SIDT2: variants seen among roughly 807,000 people sequenced by gnomAD.
The protein encoded by SIDT2 is SID1 transmembrane family, member 2.
In SIDT2, 68 loss-of-function variants were observed where a neutral mutation model predicts 114.4. The observed-to-expected ratio is 0.59, with a 90% CI of 0.49 to 0.73. The LOEUF (loss-of-function observed/expected upper bound fraction) is 0.73, where lower values mean the gene tolerates loss of function less well. Among genes scored for constraint, SIDT2 ranks in the 30% least tolerant of loss-of-function variants. The pLI is 0.00. For missense variants in SIDT2, 918 were observed against 1,097.1 expected (o/e 0.84, Z 2.31); for synonymous variants, 470 against 438.4 (o/e 1.07, Z -0.90).
In SIDT2 at chr11:117,190,052, G is replaced by A. The variant is rs750539055; in HGVS notation, c.1493+27G>A. The A allele has an allele frequency of 9.3e-6, 15 of 1,613,978 alleles. No homozygotes were observed. The Admixed American group carries it at 2.5e-4, about 27-fold the overall frequency. On this transcript the variant is annotated intron_variant, in intron 16 of 25. Transcript: ENST00000324225. This position sits in a 1 kb window ranked among gnomAD's most constrained non-coding sequence, Gnocchi z 4.1. The stretch of plus-strand genomic sequence containing the variant: ...TGGGGGTCATGCTGGGAGGCCCCTT[G>A]TCCAGGCCAAGGGTGAAATGGGGCA...
chr11:117,190,360 C>A lies in SIDT2; in HGVS notation c.1617+71C>A. ...GACCTCAAGCCTTGGCTCCAGGACA[C>A]CCTTTTGGGCAGGCCTGGCCCTGCC... On this transcript the variant is annotated intron_variant, in intron 17 of 25. Coordinates refer to ENST00000324225, the MANE Select transcript of SIDT2 (RefSeq NM_001040455.2). This position sits in a 1 kb window ranked among gnomAD's most constrained non-coding sequence, Gnocchi z 4.1. 2.0e-6 allele frequency: 3 copies of A among 1,515,558 alleles called. No homozygotes were observed. The South Asian group carries it at 4.0e-5, about 20-fold the overall frequency. 93.9% of individuals were successfully genotyped at this position (1,515,558 alleles called of 1,614,324 possible).
Position 117,182,572 on chromosome 11 carries a change from C to T in SIDT2, c.570C>T (p.Thr190=), listed in dbSNP as rs1205245554. The T allele has an allele frequency of 1.9e-6, 3 of 1,614,246 alleles. No individual in the cohort carries two copies. The highest frequency in any genetic ancestry group is 2.2e-5 in the South Asian group (2 of 91,090). The part of the protein sequence containing the change: ...EGVDSVIVKV[T]SNKAFPCSVI... Reference sequence around the variant, plus strand: ...TGGACTCGGTAATTGTCAAGGTGACCTCCAACAAGGCCTTCCCCTGCTCAG... The same window carrying T: ...TGGACTCGGTAATTGTCAAGGTGACTTCCAACAAGGCCTTCCCCTGCTCAG... The change falls in exon 5 of 26, where the codon ACC becomes ACT. Residue 190 remains threonine, a synonymous_variant. Coordinates refer to ENST00000324225, the MANE Select transcript of SIDT2 (RefSeq NM_001040455.2).
In SIDT2 at chr11:117,193,177, C is replaced by T; in HGVS notation, c.2130C>T (p.Arg710=). ...WSLAAYGLIM[R]PNDFASYLLA... is the part of the protein sequence containing the mutation. Reference sequence around the variant, plus strand: ...GGGCTGCCTATGGGCTTATCATGCGCCCCAATGATTTCGCTTCCTACTTGT... The same window carrying T: ...GGGCTGCCTATGGGCTTATCATGCGTCCCAATGATTTCGCTTCCTACTTGT... Residue 710 remains arginine, a synonymous_variant, in exon 23 of 26, where the codon CGC becomes CGT. Transcript: ENST00000324225. 1 of 1,614,170 alleles carries T rather than the reference C, an allele frequency of 6.2e-7. No homozygotes were observed. Among genetic ancestry groups the T allele is most frequent in the Non-Finnish European group, 8.5e-7 (1 of 1,180,018 alleles).
rs150999695 is a variant in SIDT2 at position 117,191,951 on chromosome 11, C to T, written c.1809C>T (p.Asn603=). 1.0e-3 allele frequency: 1,665 copies of T among 1,614,200 alleles called. 8 individuals are homozygous for T. The highest frequency in any genetic ancestry group is 7.2e-3 in the South Asian group (656 of 91,084). The change falls in exon 19 of 26, where the codon AAC becomes AAT. Residue 603 remains asparagine, a synonymous_variant. Coordinates refer to ENST00000324225, the MANE Select transcript of SIDT2 (RefSeq NM_001040455.2). The stretch of plus-strand genomic sequence containing the variant: ...ACCAGAAGCGGCACCCGGACATCAA[C>T]GCCAGCGCCTACAGTGCCTACGCCT... ...KLYQKRHPDI[N]ASAYSAYACL...
In SIDT2 at chr11:117,190,978, A is replaced by C. The variant is rs2030678746; in HGVS notation, c.1735+238A>C. The C allele has an allele frequency of 2.4e-6, 1 of 422,006 alleles. No individual in the cohort carries two copies. 26.1% of individuals were successfully genotyped at this position (422,006 alleles called of 1,614,324 possible). A position where few individuals can be genotyped will look rare whatever the true frequency, so the allele number is the denominator to read the frequency against. On this transcript the variant is annotated intron_variant, in intron 18 of 25. Transcript: ENST00000324225. This position sits in a 1 kb window ranked among gnomAD's most constrained non-coding sequence, Gnocchi z 4.1. ...TGTGCCGCAGTGAAGAAAACAGTAT[A>C]ATTAAGAAGGGGTCCCTGGCCGGGT...
chr11:117,184,375 T>C (rs183837714), intron 8 of SIDT2, among the ~76,000 whole-genome samples: 1 of 152,324 alleles, frequency 6.6e-6, no homozygotes, highest in East Asian at 1.9e-4. Flanking sequence ...TCCAGTTCAC[T>C]TTCTGCCACT....
intron 24 of SIDT2, 136 bp from the exon 25 acceptor site, chr11:117,195,666 C>A: frequency 1.2e-6 from 1 of 829,856 alleles, no homozygotes; most frequent in Non-Finnish European, 2.0e-6. Context: ...GGGACAAGGA[C>A]AAGGGACAGG....
chr11:117,179,612 T>G, intron 1 of SIDT2, 166 bp downstream of exon 1: 3 of 629,100 alleles, frequency 4.8e-6, no homozygotes, highest in Non-Finnish European at 7.9e-6. Context: ...CTCCTTCCTT[T>G]GCCACCAATG....
At position 117,188,448 on chromosome 11, in the gene SIDT2, A is replaced by G. The variant is rs1184753015; in HGVS notation, c.1160-260A>G. On this transcript the variant is annotated intron_variant, in intron 12 of 25. Coordinates refer to ENST00000324225, the MANE Select transcript of SIDT2 (RefSeq NM_001040455.2). The surrounding 1 kb of genome is among the most constrained non-coding windows in gnomAD (Gnocchi z 4.0). ...CTGGCCTGGGAAGCCCTAGCCCATG[A>G]GGGGTGCCAGGAACAGAGCAAAGCT... The G allele has an allele frequency of 1.1e-5, 6 of 523,476 alleles. No homozygotes were observed. The highest frequency in any genetic ancestry group is 9.5e-5 in the African/African-American group (5 of 52,484). 32.4% of individuals were successfully genotyped at this position (523,476 alleles called of 1,614,324 possible). A position where few individuals can be genotyped will look rare whatever the true frequency, so the allele number is the denominator to read the frequency against.
chr11:117,186,690 G>A, intron 10 of SIDT2, 54 bp downstream of exon 10: 1 of 1,500,860 alleles, frequency 6.7e-7, no homozygotes, highest in Non-Finnish European at 8.9e-7. Flanking sequence ...TGTTTTGGGG[G>A]GTGGTGGTGG....
intron 1 of SIDT2, 68 bp downstream of exon 1, chr11:117,179,514 C>T: frequency 1.3e-6 from 2 of 1,522,552 alleles, no homozygotes; most frequent in Non-Finnish European, 1.8e-6. Flanking sequence ...GATTCTGCCG[C>T]CCCGCTACCC....
rs1014522444 is a variant in SIDT2 at position 117,178,882 on chromosome 11, C to A, written c.-382C>A. On this transcript the variant is annotated 5_prime_UTR_variant, in exon 1 of 26. Transcript: ENST00000324225. The stretch of plus-strand genomic sequence containing the variant: ...CGACTCGCCTTCCTCCGCGGCCAGC[C>A]CCCGCCGCCGGCTCTTCCTCCCTCC... 1 of 208,092 alleles carries A rather than the reference C, an allele frequency of 4.8e-6. No homozygotes were observed. Among genetic ancestry groups the A allele is most frequent in the South Asian group, 8.8e-5 (1 of 11,370 alleles). 12.9% of individuals were successfully genotyped at this position (208,092 alleles called of 1,614,324 possible). A position where few individuals can be genotyped will look rare whatever the true frequency, so the allele number is the denominator to read the frequency against.
intron 1 of SIDT2, among the ~76,000 whole-genome samples, chr11:117,180,650 C>G (rs928521340): frequency 6.6e-6 from 1 of 151,164 alleles, no homozygotes; most frequent in African/African-American, 2.4e-5. Flanking sequence ...ATTCTCCTGC[C>G]TCAGCCTCCC....
chr11:117,186,319 C>A, intron 9 of SIDT2, 96 bp downstream of exon 9: 1 of 1,109,568 alleles, frequency 9.0e-7, no homozygotes, highest in Non-Finnish European at 1.4e-6. Context: ...CTAGGGTAAT[C>A]TACACCATCC....
rs780223425 is a variant in SIDT2, at chr11:117,192,525, CA to C, written c.1982-46del. On this transcript the variant is annotated intron_variant, in intron 20 of 25. Coordinates refer to ENST00000324225, the MANE Select transcript of SIDT2 (RefSeq NM_001040455.2). This position sits in a 1 kb window ranked among gnomAD's most constrained non-coding sequence, Gnocchi z 5.9. ...CAGCTGGCACATCCCAGGGGTCCAGCAAAGGAGGGTGCCCCGTGCCTGTCAG... is the reference window on the plus strand; with the variant it reads ...CAGCTGGCACATCCCAGGGGTCCAGCAAGGAGGGTGCCCCGTGCCTGTCAG... 2 of 1,598,102 alleles carry C rather than the reference CA, an allele frequency of 1.3e-6. No homozygotes were observed. The highest frequency in any genetic ancestry group is 1.7e-4 in the Middle Eastern group (1 of 6,046).
chr11:117,193,832 T>A (rs1156326995), intron 23 of SIDT2, 21 bp from the exon 24 acceptor site: 3 of 1,593,686 alleles, frequency 1.9e-6, no homozygotes, highest in Non-Finnish European at 1.7e-6. Context: ...CAGACTGCTG[T>A]CCCTGCCTGG....
rs55970874 is a variant in SIDT2 at position 117,195,085 on chromosome 11, CAAAA to C, written c.2323-691_2323-688del. ...CTGTCAACAGAGCAAGACTCTGTCT[CAAAA>C]AAAAAAAAAAAAAAAAAAAAAAAAA... On this transcript the variant is annotated intron_variant, in intron 24 of 25. Coordinates refer to ENST00000324225, the MANE Select transcript of SIDT2 (RefSeq NM_001040455.2). Among the ~76,000 whole-genome samples the C allele has an allele frequency of 2.0e-4, 9 of 45,692 alleles. No individual in the cohort carries two copies. The South Asian group carries it at 3.3e-3, about 17-fold the overall frequency. The allele number at this position is 45,692 out of a possible 152,430, so 30.0% of individuals were successfully genotyped here.
At chr11:117,185,021 C>T (rs2030438202) in intron 8 of SIDT2, among the ~76,000 whole-genome samples, 1 of 151,160 alleles carries the variant, frequency 6.6e-6, no homozygotes, top group Non-Finnish European at 1.5e-5. Flanking sequence ...CCACCGTGCC[C>T]AGCCAGAGGG....
At chr11:117,183,569 C>T (rs868305131) in intron 6 of SIDT2, among the ~76,000 whole-genome samples, 1 of 150,950 alleles carries the variant, frequency 6.6e-6, no homozygotes, top group South Asian at 2.1e-4. Flanking sequence ...ACCCGGGAGG[C>T]GGAGGTTGCA....
Sources: gnomAD v4.1 joint callset for allele counts (sites outside exome capture counted in the v4.1 genomes callset) on GRCh38, gnomAD v4.1.1 for gene constraint, Gnocchi (gnomAD v3.1) non-coding constraint, MANE v1.5 for transcripts, NCBI Gene and HGNC (gene_info 2026-07-23, HGNC 2026-07-21) for gene names.